The following ABRAXAS2 variants were observed in gnomAD, a reference collection of about 807,000 sequenced individuals.
ABRAXAS2 encodes the protein abraxas 2, BRISC complex subunit, also known as BRISC complex subunit Abraxas 2.
Under a neutral mutation model 49.0 loss-of-function variants are expected in ABRAXAS2, and 23 were observed. That is an observed-to-expected ratio of 0.47 (90% confidence interval 0.34 to 0.66). The LOEUF is 0.66. ABRAXAS2 is among the 30% of genes least tolerant of loss of function. ABRAXAS2 has a pLI of 0.01. For missense variants in ABRAXAS2, 443 were observed against 511.9 expected, an observed-to-expected ratio of 0.87 and a Z score of 1.30; for synonymous variants, 168 against 180.2, an observed-to-expected ratio of 0.93 and a Z score of 0.54.
intron 1 of ABRAXAS2, among the ~76,000 whole-genome samples, chr10:124,806,557 T>A (rs753968054): frequency 3.2e-4 from 49 of 152,214 alleles, no homozygotes; most frequent in Non-Finnish European, 6.3e-4. Context: ...ATACTTAAGA[T>A]TTAGGTGATG....
In ABRAXAS2 at chr10:124,831,238, T is replaced by C. The variant is rs556584448; in HGVS notation, c.664-111T>C. Reference sequence around the variant, plus strand: ...TTTGTTCTACCTTATGTGGCTGCTTTTTAACTCAATAAACCATCTGGACTT... The same window carrying C: ...TTTGTTCTACCTTATGTGGCTGCTTCTTAACTCAATAAACCATCTGGACTT... On this transcript the variant is annotated intron_variant, in intron 7 of 8. Coordinates refer to ENST00000298492, the MANE Select transcript of ABRAXAS2 (RefSeq NM_032182.4). The C allele has an allele frequency of 1.0e-5, 7 of 697,584 alleles. 1 individual carries two copies. The highest frequency in any genetic ancestry group is 1.8e-5 in the Non-Finnish European group (7 of 390,402). The allele number at this position is 697,584 out of a possible 1,614,324, so 43.2% of individuals were successfully genotyped here.
chr10:124,805,931 G>A (rs539015243), intron 1 of ABRAXAS2, among the ~76,000 whole-genome samples: 1 of 152,274 alleles, frequency 6.6e-6, no homozygotes, highest in South Asian at 2.1e-4. Flanking sequence ...TACACAAAGA[G>A]TAGGTAATGA....
In ABRAXAS2 at chr10:124,826,878, C is replaced by T. The variant is rs993835361; in HGVS notation, c.458+93C>T. On this transcript the variant is annotated intron_variant, in intron 5 of 8. Transcript: ENST00000298492. ...CCTGTAATCCCAGCACTTTGGAAGG[C>T]TGAGGCGGATGGATCATGAGGTCAA... The T allele has an allele frequency of 2.4e-6, 3 of 1,241,100 alleles. No homozygotes were observed. The African/African-American group carries it at 4.5e-5, about 19-fold the overall frequency. 76.9% of individuals were successfully genotyped at this position (1,241,100 alleles called of 1,614,324 possible). A position where few individuals can be genotyped will look rare whatever the true frequency, so the allele number is the denominator to read the frequency against.
chr10:124,810,555 C>T (rs928023570), intron 2 of ABRAXAS2, among the ~76,000 whole-genome samples: 8 of 150,570 alleles, frequency 5.3e-5, no homozygotes, highest in Non-Finnish European at 8.8e-5. Flanking sequence ...ATGTGTAAGA[C>T]GGTATAGTTA....
intron 4 of ABRAXAS2, among the ~76,000 whole-genome samples, chr10:124,825,907 C>T (rs555404821): frequency 2.2e-4 from 34 of 152,278 alleles, no homozygotes; most frequent in Admixed American, 7.9e-4. Flanking sequence ...GGATGGGGTC[C>T]AGGAATCTGC....
chr10:124,802,050 C>G, intron 1 of ABRAXAS2, 149 bp downstream of exon 1: 2 of 707,626 alleles, frequency 2.8e-6, no homozygotes, highest in Non-Finnish European at 4.6e-6. Context: ...GCTCCCGCCC[C>G]CGGTGAGCTC....
At chr10:124,829,212 G>A (rs1422912811) in intron 6 of ABRAXAS2, among the ~76,000 whole-genome samples, 181 bp from the exon 7 acceptor site, 1 of 152,132 alleles carries the variant, frequency 6.6e-6, no homozygotes, top group Non-Finnish European at 1.5e-5. Flanking sequence ...AATGATCTTG[G>A]TAACATGGGT....
intron 8 of ABRAXAS2, among the ~76,000 whole-genome samples, chr10:124,834,137 G>C (rs965633805): frequency 6.6e-6 from 1 of 152,120 alleles, no homozygotes; most frequent in African/African-American, 2.4e-5. Flanking sequence ...CCACGCCAGG[G>C]AACCAGCACA....
intron 1 of ABRAXAS2, 117 bp downstream of exon 1, chr10:124,802,018 G>A (rs975626078): frequency 4.0e-6 from 4 of 999,274 alleles, no homozygotes; most frequent in African/African-American, 3.4e-5. Context: ...AGGGCCGGCC[G>A]GAGGAGCTGG....
chr10:124,822,211 G>A (rs1344037515), intron 4 of ABRAXAS2, among the ~76,000 whole-genome samples: 1 of 152,172 alleles, frequency 6.6e-6, no homozygotes, highest in Non-Finnish European at 1.5e-5. Context: ...GGGAGATGAA[G>A]CAGTCCTTAC....
intron 2 of ABRAXAS2, among the ~76,000 whole-genome samples, chr10:124,813,043 A>G (rs1950800157): frequency 6.6e-6 from 1 of 152,130 alleles, no homozygotes; most frequent in Admixed American, 6.6e-5. Context: ...CTCTACTAAA[A>G]GTACAAAATT....
intron 4 of ABRAXAS2, among the ~76,000 whole-genome samples, chr10:124,820,924 T>G (rs1950857634): frequency 6.6e-6 from 1 of 152,080 alleles, no homozygotes; most frequent in African/African-American, 2.4e-5. Flanking sequence ...TTGTATTTAT[T>G]TATTTTGAGA....
chr10:124,814,124 T>A (rs1950808139), intron 2 of ABRAXAS2, among the ~76,000 whole-genome samples: 1 of 151,982 alleles, frequency 6.6e-6, no homozygotes, highest in Non-Finnish European at 1.5e-5. Flanking sequence ...CGCAAGTAGC[T>A]GGGATTACAG....
At chr10:124,811,691 T>C (rs28631033) in intron 2 of ABRAXAS2, among the ~76,000 whole-genome samples, 94,266 of 151,400 alleles carry the variant, frequency 0.62, 30,560 homozygotes, top group Admixed American at 0.76. Flanking sequence ...TGAGCAGAGA[T>C]TGTGCCACTG....
At chr10:124,834,055 C>G (rs1950951959) in intron 8 of ABRAXAS2, among the ~76,000 whole-genome samples, 1 of 152,138 alleles carries the variant, frequency 6.6e-6, no homozygotes. Flanking sequence ...AAGAAAGAAT[C>G]TCACATTTCC....
At chr10:124,807,334 A>T (rs1398850775) in intron 2 of ABRAXAS2, among the ~76,000 whole-genome samples, 1 of 148,482 alleles carries the variant, frequency 6.7e-6, no homozygotes, top group Non-Finnish European at 1.5e-5. Context: ...AAAAAAAAAA[A>T]AGAATTCAAA....
chr10:124,805,930 AGTAGGTAATGAGCCAATCAACT>A (rs905695752), intron 1 of ABRAXAS2, among the ~76,000 whole-genome samples: 3 of 152,156 alleles, frequency 2.0e-5, no homozygotes, highest in African/African-American at 7.2e-5. Flanking sequence ...GTACACAAAG[AGTAGGTAATGAGCCAATCAACT>A]GTGGTGGTAA....
chr10:124,802,867 C>G (rs553456538), intron 1 of ABRAXAS2, among the ~76,000 whole-genome samples: 1 of 152,290 alleles, frequency 6.6e-6, no homozygotes, highest in Non-Finnish European at 1.5e-5. Context: ...GCAATCTTAG[C>G]TTCCATTAAT....
chr10:124,834,441 C>A (rs1950954540), intron 8 of ABRAXAS2, 61 bp from the exon 9 acceptor site: 1 of 1,437,130 alleles, frequency 7.0e-7, no homozygotes, highest in Non-Finnish European at 9.5e-7. Context: ...CCGTGTTATA[C>A]ATTGAGATGA....
Sources: gnomAD v4.1 joint callset for allele counts (sites outside exome capture counted in the v4.1 genomes callset) on GRCh38, gnomAD v4.1.1 for gene constraint, MANE v1.5 for transcripts, NCBI Gene and HGNC (gene_info 2026-07-23, HGNC 2026-07-21) for gene names.